Variants in RSPH4A observed in about 807,000 individuals in gnomAD.
RSPH4A encodes the protein radial spoke head component 4A, also known as radial spoke head protein 4 homolog A.
RSPH4A carries 47 observed loss-of-function variants against 71.0 expected under a neutral mutation model. That is an observed-to-expected ratio of 0.66 (90% CI 0.52 to 0.84). RSPH4A has a LOEUF of 0.84. Among genes scored for constraint, RSPH4A ranks in the 40% least tolerant of loss-of-function variants. RSPH4A has a pLI of 0.00. For missense variants in RSPH4A, 793 were observed against 855.2 expected (o/e 0.93, Z 0.91); for synonymous variants, 282 against 302.3 (o/e 0.93, Z 0.70).
Position 116,617,327 on chromosome 6 carries a change from A to C in RSPH4A, c.686+18A>C. On this transcript the variant is annotated intron_variant, in intron 1 of 5. Transcript: ENST00000229554. Reference sequence around the variant, plus strand: ...TTTAATCTGTAAGTCTCAGAGGGAAAAAAGATAAATGTTTGGCAAAGCAAG... The same window carrying C: ...TTTAATCTGTAAGTCTCAGAGGGAACAAAGATAAATGTTTGGCAAAGCAAG... 1 of 1,593,006 alleles carries C rather than the reference A, an allele frequency of 6.3e-7. No individual in the cohort carries two copies. The highest frequency in any genetic ancestry group is 8.6e-7 in the Non-Finnish European group (1 of 1,165,848).
At position 116,628,221 on chromosome 6, in the gene RSPH4A, T is replaced by C. The variant is rs565491418; in HGVS notation, c.1514T>C (p.Phe505Ser). The change falls in exon 3 of 6, where the codon TTT (phenylalanine) becomes TCT (serine). Residue 505 changes from phenylalanine (F) to serine (S), a missense_variant. By Grantham distance (155) the Phe-to-Ser change is radical. Coordinates refer to ENST00000229554, the MANE Select transcript of RSPH4A (RefSeq NM_001010892.3). ...THVSPLGFYQ[F>S]GEEEGEEEEE... ...GTCAGTCCTCTAGGATTTTATCAGTTTGGTGAAGAGGAAGGAGAGGAGGAG... is the reference window on the plus strand; with the variant it reads ...GTCAGTCCTCTAGGATTTTATCAGTCTGGTGAAGAGGAAGGAGAGGAGGAG... 61 of 1,613,440 alleles carry C rather than the reference T, an allele frequency of 3.8e-5. No homozygotes were observed. In the South Asian group the frequency reaches 6.3e-4, roughly 17 times the overall value.
At position 116,622,988 on chromosome 6, in the gene RSPH4A, T is replaced by C. The variant is rs1410667334; in HGVS notation, c.907T>C (p.Leu303=). 7.5e-6 allele frequency: 12 copies of C among 1,604,428 alleles called. No individual in the cohort carries two copies. Among genetic ancestry groups the C allele is most frequent in the African/African-American group, 5.4e-5 (4 of 74,656 alleles). Residue 303 remains leucine (L), a synonymous_variant, in exon 2 of 6, where the codon TTG becomes CTG. Transcript: ENST00000229554. ...QGHLEGVDQE[L]EDEIAENALP... is the part of the protein sequence containing the mutation. ...ACATTTGGAAGGAGTTGACCAAGAA[T>C]TGGAAGATGAAATAGTAAGTCACTA... is the stretch of plus-strand genomic sequence containing the variant.
Position 116,616,891 on chromosome 6 carries a change from C to A in RSPH4A, c.268C>A (p.Pro90Thr), listed in dbSNP as rs530756069. The change falls in exon 1 of 6, where the codon CCC (proline) becomes ACC (threonine). Residue 90 changes from proline to threonine, a missense_variant. Coordinates refer to ENST00000229554, the MANE Select transcript of RSPH4A (RefSeq NM_001010892.3). Reference sequence around the variant, plus strand: ...ACCTGCTCCTGTCTCTCCGCGGGAGCCCTCTTCCTCTCCTTCTCCCCTGGC... The same window carrying A: ...ACCTGCTCCTGTCTCTCCGCGGGAGACCTCTTCCTCTCCTTCTCCCCTGGC... ...SSPAPVSPREPSSSPSPLAPA... is the reference protein window; with the variant it reads ...SSPAPVSPRETSSSPSPLAPA... The A allele has an allele frequency of 4.0e-5, 64 of 1,614,048 alleles. No homozygotes were observed. Among genetic ancestry groups the A allele is most frequent in the Admixed American group, 3.0e-4 (18 of 60,010 alleles).
chr6:116,625,759 C>A (rs538548984), intron 2 of RSPH4A, among the ~76,000 whole-genome samples: 7 of 152,244 alleles, frequency 4.6e-5, no homozygotes, highest in Admixed American at 4.6e-4. Context: ...GATGACCGAA[C>A]TTTCTGGTGT....
chr6:116,627,883 C>A lies in RSPH4A; in HGVS notation c.1176C>A (p.Asp392Glu). The A allele has an allele frequency of 6.2e-7, 1 of 1,613,068 alleles. No homozygotes were observed. The highest frequency in any genetic ancestry group is 2.2e-5 in the East Asian group (1 of 44,862). ...VEEEDVAEER[D>E]NGESEAHEDE... is the part of the protein sequence containing the mutation. Reference sequence around the variant, plus strand: ...AGGAAGATGTAGCTGAAGAGAGGGACAATGGAGAAAGTGAAGCTCATGAAG... The same window carrying A: ...AGGAAGATGTAGCTGAAGAGAGGGAAAATGGAGAAAGTGAAGCTCATGAAG... Residue 392 changes from aspartate to glutamate, a missense_variant, in exon 3 of 6, where the codon GAC becomes GAA. By Grantham distance (45) the Asp-to-Glu change is conservative. Coordinates refer to ENST00000229554, the MANE Select transcript of RSPH4A (RefSeq NM_001010892.3).
chr6:116,629,585 A>C lies in RSPH4A; in HGVS notation c.1681A>C (p.Asn561His). ...TTCCCAGGGTCGCTGTAATTGGTTC[A>C]ACTCCATACAAAAAAATGAGGAAGA... Reference protein sequence around the residue: ...ILSQGRCNWFNSIQKNEEEEE... With the variant: ...ILSQGRCNWFHSIQKNEEEEE... Residue 561 changes from asparagine to histidine, a missense_variant, in exon 4 of 6, where the codon AAC becomes CAC. Coordinates refer to ENST00000229554, the MANE Select transcript of RSPH4A (RefSeq NM_001010892.3). The C allele has an allele frequency of 1.2e-6, 2 of 1,613,074 alleles. No homozygotes were observed. The highest frequency in any genetic ancestry group is 1.7e-6 in the Non-Finnish European group (2 of 1,179,152).
chr6:116,623,586 C>T (rs1280579589), intron 2 of RSPH4A, among the ~76,000 whole-genome samples: 2 of 152,014 alleles, frequency 1.3e-5, no homozygotes, highest in African/African-American at 4.8e-5. Context: ...TAAAGGATTT[C>T]TTCACATTTT....
intron 2 of RSPH4A, among the ~76,000 whole-genome samples, chr6:116,625,376 T>C (rs1056731697): frequency 6.6e-6 from 1 of 152,086 alleles, no homozygotes; most frequent in East Asian, 1.9e-4. Context: ...GAAAAGTCGA[T>C]TGTGGGTTTG....
intron 5 of RSPH4A, among the ~76,000 whole-genome samples, chr6:116,631,282 G>A (rs1265418463): frequency 1.3e-5 from 2 of 152,200 alleles, no homozygotes; most frequent in Admixed American, 1.3e-4. Flanking sequence ...CCAGGTGTTA[G>A]AGTAGCCATT....
chr6:116,618,932 A>G lies in RSPH4A; in HGVS notation c.686+1623A>G, dbSNP rs141262295. Among the ~76,000 whole-genome samples the G allele has an allele frequency of 2.0e-3, 301 of 152,344 alleles. 1 individual carries two copies. Among genetic ancestry groups the G allele is most frequent in the African/African-American group, 6.9e-3 (286 of 41,576 alleles). ...CAACCAGCTATAAACCAGGGATCCA[A>G]CAACTCCCTCTTTTGGTTTGACTAA... On this transcript the variant is annotated intron_variant, in intron 1 of 5. Transcript: ENST00000229554.
intron 1 of RSPH4A, among the ~76,000 whole-genome samples, chr6:116,621,025 A>C (rs1050287259): frequency 2.6e-5 from 4 of 151,844 alleles, no homozygotes; most frequent in Non-Finnish European, 5.9e-5. Context: ...CACCTGACTA[A>C]TTTTTGTTTT....
At chr6:116,632,069 A>T in intron 5 of RSPH4A, 138 bp from the exon 6 acceptor site, 1 of 636,402 alleles carries the variant, frequency 1.6e-6, no homozygotes, top group Non-Finnish European at 2.7e-6. Context: ...GGAATATTTC[A>T]CTTCTAGCAT....
intron 1 of RSPH4A, among the ~76,000 whole-genome samples, chr6:116,620,953 G>T (rs1775594186): frequency 6.6e-6 from 1 of 152,060 alleles, no homozygotes; most frequent in African/African-American, 2.4e-5. Context: ...CCACCTCCTG[G>T]GTTCAAGTGA....
Position 116,623,295 on chromosome 6 carries a change from A to G in RSPH4A, c.921+293A>G, listed in dbSNP as rs546057381. On this transcript the variant is annotated intron_variant, in intron 2 of 5. Transcript: ENST00000229554. ...GAGATGGGGTTTCGCCGTATTGGCC[A>G]AGCTGGTCTCAAACTCCTGACCTCA... 1.6e-4 allele frequency among the ~76,000 whole-genome samples: 24 copies of G among 152,164 alleles called. No homozygotes were observed. In the South Asian group the frequency reaches 5.0e-3, roughly 32 times the overall value.
Position 116,616,967 on chromosome 6 carries a change from G to A in RSPH4A, c.344G>A (p.Ser115Asn). The A allele has an allele frequency of 6.2e-7, 1 of 1,614,194 alleles. No individual in the cohort carries two copies. The change falls in exon 1 of 6, where the codon AGT becomes AAT. Residue 115 changes from serine (S) to asparagine (N), a missense_variant. Physicochemically the swap from Ser to Asn is conservative, Grantham distance 46 (BLOSUM62 1). Transcript: ENST00000229554. ...CCACCTCAGTCGGACAGGACCACGA[G>A]TGTGATTCCTGAAGCTGGGACACCT... ...AAPPQSDRTT[S>N]VIPEAGTPYP... is the part of the protein sequence containing the mutation.
chr6:116,625,211 T>G (rs1775675341), intron 2 of RSPH4A, among the ~76,000 whole-genome samples: 1 of 152,200 alleles, frequency 6.6e-6, no homozygotes, highest in Non-Finnish European at 1.5e-5. Flanking sequence ...AACAACTAAC[T>G]CTGCTATTGG....
intron 5 of RSPH4A, among the ~76,000 whole-genome samples, chr6:116,631,924 T>C (rs1489461270): frequency 6.6e-6 from 1 of 152,092 alleles, no homozygotes; most frequent in African/African-American, 2.4e-5. Flanking sequence ...CTGAAAATAA[T>C]TGAAGGAAGA....
chr6:116,630,870 T>TTTTTTTTTTC (rs1554249740), intron 5 of RSPH4A, among the ~76,000 whole-genome samples: 7 of 144,804 alleles, frequency 4.8e-5, no homozygotes, highest in Non-Finnish European at 1.1e-4. Flanking sequence ...TTTTTTTTTT[T>TTTTTTTTTTC]AGTAGAGACA....
chr6:116,626,467 G>A (rs867472769), intron 2 of RSPH4A, among the ~76,000 whole-genome samples: 7 of 151,828 alleles, frequency 4.6e-5, no homozygotes, highest in African/African-American at 1.7e-4. Flanking sequence ...TCAGCCTCCC[G>A]AGTAGCTGGG....
Sources: allele counts gnomAD v4.1 joint callset (sites outside exome capture counted in the v4.1 genomes callset), GRCh38; gene constraint gnomAD v4.1.1; transcripts MANE v1.5; gene names NCBI Gene and HGNC (gene_info 2026-07-23, HGNC 2026-07-21).